The following HCN1 variants were observed in gnomAD, a reference collection of about 807,000 sequenced individuals.
HCN1 encodes potassium/sodium hyperpolarization-activated cyclic nucleotide-gated channel 1.
A neutral mutation model predicts 78.9 loss-of-function variants in HCN1; 13 were observed. The observed-to-expected ratio is 0.16, with a 90% confidence interval of 0.11 to 0.26. The LOEUF (loss-of-function observed/expected upper bound fraction) is 0.26. HCN1 is among the 10% of genes least tolerant of loss of function. The probability of loss-of-function intolerance (pLI) is 1.00; values close to 1 mark genes in which losing one functional copy is unlikely to be tolerated. For missense variants in HCN1, 810 were observed against 1,154.3 expected, an observed-to-expected ratio of 0.70 and a Z score of 4.32; for synonymous variants, 552 against 455.5, an observed-to-expected ratio of 1.21 and a Z score of -2.70.
At chr5:45,360,243 C>A (rs1219251893) in intron 4 of HCN1, among the ~76,000 whole-genome samples, 1 of 151,258 alleles carries the variant, frequency 6.6e-6, no homozygotes, top group African/African-American at 2.4e-5. Context: ...ATTTTATATT[C>A]CAGTGACTAC....
intron 1 of HCN1, among the ~76,000 whole-genome samples, chr5:45,659,190 G>A (rs1022009777): frequency 3.3e-3 from 492 of 149,046 alleles, no homozygotes; most frequent in African/African-American, 0.012. Flanking sequence ...CCCAGCAGGG[G>A]CACACTGACA....
chr5:45,541,696 C>T (rs1309110859), intron 2 of HCN1, among the ~76,000 whole-genome samples: 1 of 152,136 alleles, frequency 6.6e-6, no homozygotes, highest in African/African-American at 2.4e-5. Context: ...TTTTACAAAA[C>T]TTAAAAAACA....
chr5:45,466,542 G>A (rs906304446), intron 2 of HCN1, among the ~76,000 whole-genome samples: 1 of 152,054 alleles, frequency 6.6e-6, no homozygotes, highest in Non-Finnish European at 1.5e-5. Context: ...AACAAGGTTA[G>A]ATTCTTCTGT....
intron 2 of HCN1, among the ~76,000 whole-genome samples, chr5:45,465,754 T>TG (rs1741257678): frequency 6.6e-6 from 1 of 151,726 alleles, no homozygotes. Context: ...GACTTTGATG[T>TG]GAAAAAAAAA....
At chr5:45,569,620 T>A (rs1047811142) in intron 2 of HCN1, among the ~76,000 whole-genome samples, 8 of 152,098 alleles carry the variant, frequency 5.3e-5, no homozygotes, top group Non-Finnish European at 1.0e-4. Context: ...AACTGCTCAC[T>A]ATATAGTTCT....
chr5:45,584,724 G>T (rs1220338347), intron 2 of HCN1, among the ~76,000 whole-genome samples: 2 of 152,122 alleles, frequency 1.3e-5, no homozygotes, highest in African/African-American at 4.8e-5. Context: ...GGGCAGGCCT[G>T]GTGGTGACAA....
At chr5:45,566,092 C>A (rs913019978) in intron 2 of HCN1, among the ~76,000 whole-genome samples, 1 of 152,132 alleles carries the variant, frequency 6.6e-6, no homozygotes, top group Admixed American at 6.6e-5. Context: ...CTCTCTCCAA[C>A]AGATGACAGA....
chr5:45,544,447 ATT>A (rs545711390), intron 2 of HCN1, among the ~76,000 whole-genome samples: 2 of 151,098 alleles, frequency 1.3e-5, no homozygotes, highest in African/African-American at 4.9e-5. Context: ...CATCTTCTGA[ATT>A]TTTTTTTAAT....
intron 2 of HCN1, among the ~76,000 whole-genome samples, chr5:45,532,577 C>T (rs1229915256): frequency 6.6e-6 from 1 of 152,162 alleles, no homozygotes; most frequent in African/African-American, 2.4e-5. Context: ...TCTATCATCT[C>T]TTCTTGGAAT....
At chr5:45,510,019 A>G (rs1463391436) in intron 2 of HCN1, among the ~76,000 whole-genome samples, 2 of 152,110 alleles carry the variant, frequency 1.3e-5, no homozygotes, top group African/African-American at 4.8e-5. Context: ...ATGTAAATTA[A>G]CAAAATTGAA....
At chr5:45,323,729 C>A (rs562965396) in intron 5 of HCN1, among the ~76,000 whole-genome samples, 5 of 151,830 alleles carry the variant, frequency 3.3e-5, no homozygotes, top group Non-Finnish European at 5.9e-5. Context: ...CCCAACCCCA[C>A]GACAGGCCCG....
intron 2 of HCN1, among the ~76,000 whole-genome samples, chr5:45,640,203 G>T (rs1023312726): frequency 6.6e-6 from 1 of 152,098 alleles, no homozygotes; most frequent in South Asian, 2.1e-4. Flanking sequence ...CTTATTTGCA[G>T]CATCTCCACA....
intron 4 of HCN1, among the ~76,000 whole-genome samples, chr5:45,364,336 C>T (rs1747189310): frequency 6.6e-6 from 1 of 152,068 alleles, no homozygotes; most frequent in Non-Finnish European, 1.5e-5. Flanking sequence ...GATCTCGACT[C>T]GTAAGCCTGT....
chr5:45,544,735 A>C (rs1003333279), intron 2 of HCN1, among the ~76,000 whole-genome samples: 1 of 152,036 alleles, frequency 6.6e-6, no homozygotes, highest in African/African-American at 2.4e-5. Context: ...TTTGCTCAGA[A>C]TGATGGTTTC....
At chr5:45,378,224 C>T (rs1337820295) in intron 4 of HCN1, among the ~76,000 whole-genome samples, 2 of 151,958 alleles carry the variant, frequency 1.3e-5, no homozygotes, top group South Asian at 2.1e-4. Flanking sequence ...TTTCCTAATG[C>T]GTAATCTTTG....
intron 2 of HCN1, among the ~76,000 whole-genome samples, chr5:45,496,130 A>T (rs1435975321): frequency 2.6e-5 from 4 of 152,068 alleles, no homozygotes; most frequent in African/African-American, 7.2e-5. Context: ...TGAGTTAGGG[A>T]GGATTCCCTC....
intron 5 of HCN1, among the ~76,000 whole-genome samples, chr5:45,329,016 T>G (rs1190590851): frequency 6.6e-6 from 1 of 151,588 alleles, no homozygotes; most frequent in African/African-American, 2.4e-5. Context: ...TCTTTGACAT[T>G]GAGATAAAAG....
chr5:45,520,809 G>A (rs1478021978), intron 2 of HCN1, among the ~76,000 whole-genome samples: 1 of 151,876 alleles, frequency 6.6e-6, no homozygotes, highest in African/African-American at 2.4e-5. Context: ...ACTTCTTTTA[G>A]AGATGAAAAG....
chr5:45,659,630 C>A (rs1422144591), intron 1 of HCN1, among the ~76,000 whole-genome samples: 1 of 144,808 alleles, frequency 6.9e-6, no homozygotes, highest in Admixed American at 6.9e-5. Flanking sequence ...GAGCTGAAAA[C>A]CAAGGCTCGA....
Sources: allele counts gnomAD v4.1 joint callset (sites outside exome capture counted in the v4.1 genomes callset), GRCh38; gene constraint gnomAD v4.1.1; transcripts MANE v1.5; gene names NCBI Gene and HGNC (gene_info 2026-07-23, HGNC 2026-07-21).